VCAN: variants seen among roughly 807,000 people sequenced by gnomAD.
VCAN encodes the protein versican, also known as versican core protein.
In VCAN, 44 loss-of-function variants were observed where a neutral mutation model predicts 245.5. The ratio of observed to expected loss-of-function variants is 0.18; its 90% CI spans 0.14 to 0.23. The LOEUF is 0.23. VCAN is among the 10% of genes least tolerant of loss of function. VCAN has a pLI of 1.00. For missense variants in VCAN, 3,793 were observed against 4,057.9 expected, an observed-to-expected ratio of 0.93 and a Z score of 1.77; for synonymous variants, 1,413 against 1,437.0, an observed-to-expected ratio of 0.98 and a Z score of 0.38.
chr5:83,522,426 T>G (rs769744585), intron 7 of VCAN, 117 bp downstream of exon 7: 5 of 1,097,580 alleles, frequency 4.6e-6, no homozygotes, highest in African/African-American at 1.6e-5. Flanking sequence ...AACTGGAGTG[T>G]GAAAAATAAA....
At chr5:83,534,485 A>G (rs2112434508) in intron 7 of VCAN, among the ~76,000 whole-genome samples, 1 of 152,130 alleles carries the variant, frequency 6.6e-6, no homozygotes, top group African/African-American at 2.4e-5. Context: ...TTTTCTCTGT[A>G]CTTAAATGAA....
chr5:83,483,010 C>T (rs1247627707), intron 1 of VCAN, among the ~76,000 whole-genome samples: 1 of 152,194 alleles, frequency 6.6e-6, no homozygotes, highest in Non-Finnish European at 1.5e-5. Context: ...GTGCATGAAC[C>T]ACCAATTGGT....
intron 12 of VCAN, among the ~76,000 whole-genome samples, chr5:83,558,504 T>A (rs1210242327): frequency 2.0e-5 from 3 of 152,132 alleles, no homozygotes; most frequent in Non-Finnish European, 4.4e-5. Context: ...AAAGAACCTT[T>A]CATATTTACC....
rs141810277 is a variant in VCAN, at chr5:83,540,958, A to G, written c.7955A>G (p.Asp2652Gly). The change falls in exon 8 of 15, where the codon GAT (aspartate) becomes GGT (glycine). Residue 2652 changes from aspartate (D) to glycine (G), a missense_variant. Transcript: ENST00000265077. ...GCTAGCTACACTCAGGCAACACATG[A>G]TGAATCAATGACTTATGAAGATAGA... Reference protein sequence around the residue: ...VLASYTQATHDESMTYEDRSQ... With the variant: ...VLASYTQATHGESMTYEDRSQ... The G allele has an allele frequency of 7.4e-6, 12 of 1,613,992 alleles. No homozygotes were observed. Among genetic ancestry groups the G allele is most frequent in the African/African-American group, 1.3e-5 (1 of 74,922 alleles).
intron 9 of VCAN, 85 bp from the exon 10 acceptor site, chr5:83,547,885 TG>T (rs1250909033): frequency 5.8e-5 from 52 of 893,678 alleles, no homozygotes; most frequent in Non-Finnish European, 8.8e-5. Flanking sequence ...CTGGCTGTCT[TG>T]TATGTTATCT....
rs1746008281 is a variant in VCAN at position 83,519,793 on chromosome 5, G to A, written c.1487G>A (p.Gly496Asp). The A allele has an allele frequency of 1.2e-6, 2 of 1,614,004 alleles. No homozygotes were observed. Among genetic ancestry groups the A allele is most frequent in the African/African-American group, 1.3e-5 (1 of 74,904 alleles). ...ACACAGATTGAACAAATAGAAGTGG[G>A]TCCTTTGGTAACATCTATGGAAATC... ...SVTQIEQIEV[G>D]PLVTSMEILK... is the part of the protein sequence containing the mutation. The change falls in exon 7 of 15, where the codon GGT becomes GAT. Residue 496 changes from glycine to aspartate, a missense_variant. Physicochemically the swap from Gly to Asp is moderately conservative, Grantham distance 94. Coordinates refer to ENST00000265077, the MANE Select transcript of VCAN (RefSeq NM_004385.5).
Position 83,519,844 on chromosome 5 carries a change from T to G in VCAN, c.1538T>G (p.Phe513Cys), listed in dbSNP as rs1392810916. ...TTAAAGCACATTCCTTCCAAGGAAT[T>G]CCCTGTAACTGAAACACCATTGGTA... ...EILKHIPSKE[F>C]PVTETPLVTA... Residue 513 changes from phenylalanine to cysteine, a missense_variant, in exon 7 of 15, where the codon TTC (phenylalanine) becomes TGC (cysteine). By Grantham distance (205) the Phe-to-Cys change is radical. Transcript: ENST00000265077. 6.2e-7 allele frequency: 1 copy of G among 1,614,020 alleles called. No homozygotes were observed. The highest frequency in any genetic ancestry group is 1.7e-5 in the Admixed American group (1 of 60,000).
At chr5:83,554,142 T>A (rs566943639) in intron 11 of VCAN, among the ~76,000 whole-genome samples, 1 of 152,354 alleles carries the variant, frequency 6.6e-6, no homozygotes, top group Admixed American at 6.5e-5. Context: ...CTAGTTTTCA[T>A]GTAGCAATAT....
In VCAN at chr5:83,537,528, G is replaced by A; in HGVS notation, c.4525G>A (p.Glu1509Lys). 5 of 1,613,904 alleles carry A rather than the reference G, an allele frequency of 3.1e-6. No homozygotes were observed. Among genetic ancestry groups the A allele is most frequent in the South Asian group, 1.1e-5 (1 of 91,072 alleles). Residue 1509 changes from glutamate (E) to lysine (K), a missense_variant, in exon 8 of 15, where the codon GAA becomes AAA. Glu to Lys is a moderately conservative substitution (Grantham distance 56, BLOSUM62 1). Transcript: ENST00000265077. ...TTTCCCCACAGTCCCATTCCATGAG[G>A]AATTTGAAAGTGGAACAGCCAAAAA... ...DVFPTVPFHE[E>K]FESGTAKKGA...
At chr5:83,569,356 G>A (rs1251739612) in intron 12 of VCAN, among the ~76,000 whole-genome samples, 1 of 152,112 alleles carries the variant, frequency 6.6e-6, no homozygotes, top group Non-Finnish European at 1.5e-5. Flanking sequence ...TTAGGTATTG[G>A]TGTGGGTTGG....
chr5:83,504,410 A>T (rs1201088812), intron 5 of VCAN, among the ~76,000 whole-genome samples: 2 of 137,422 alleles, frequency 1.5e-5, no homozygotes, highest in African/African-American at 5.5e-5. Flanking sequence ...TTTGAGACGG[A>T]GTCTCTCTGT....
rs1475280610 is a variant in VCAN, at chr5:83,573,611, AC to A, written c.9880+1052del. 8.5e-5 allele frequency among the ~76,000 whole-genome samples: 13 copies of A among 152,358 alleles called. No individual in the cohort carries two copies. The East Asian group carries it at 2.5e-3, about 29-fold the overall frequency. On this transcript the variant is annotated intron_variant, in intron 13 of 14. Transcript: ENST00000265077. ...TGATTTATTAGAGAAACATATAAAAACATGACAGCGTGCTTCATAAGCCACT... is the reference window on the plus strand; with the variant it reads ...TGATTTATTAGAGAAACATATAAAAAATGACAGCGTGCTTCATAAGCCACT...
intron 7 of VCAN, chr5:83,531,202 A>C (rs186997499): frequency 6.6e-6 from 1 of 152,328 alleles, no homozygotes; most frequent in East Asian, 1.9e-4. Context: ...GTATTTCAGT[A>C]TCTATGTCTA....
intron 1 of VCAN, among the ~76,000 whole-genome samples, chr5:83,481,517 A>G (rs975695264): frequency 6.6e-6 from 1 of 152,178 alleles, no homozygotes; most frequent in African/African-American, 2.4e-5. Context: ...GCTGTCTTAT[A>G]AGAAATCCAG....
At chr5:83,508,018 G>A (rs1745532498) in intron 5 of VCAN, among the ~76,000 whole-genome samples, 1 of 152,158 alleles carries the variant, frequency 6.6e-6, no homozygotes, top group Non-Finnish European at 1.5e-5. Context: ...TTTACTTTGT[G>A]CAAAATGAGC....
In VCAN at chr5:83,541,757, A is replaced by C; in HGVS notation, c.8754A>C (p.Thr2918=). 6.2e-7 allele frequency: 1 copy of C among 1,614,114 alleles called. No individual in the cohort carries two copies. Among genetic ancestry groups the C allele is most frequent in the Non-Finnish European group, 8.5e-7 (1 of 1,180,010 alleles). The stretch of plus-strand genomic sequence containing the variant: ...TAGAAGAAATGGAAGCTTCTCCCAC[A>C]GAACTTATTGCTGTGGAAGGAACTG... ...ELLEEMEASP[T]ELIAVEGTEI... The change falls in exon 8 of 15, where the codon ACA becomes ACC. Residue 2918 remains threonine, a synonymous_variant. Coordinates refer to ENST00000265077, the MANE Select transcript of VCAN (RefSeq NM_004385.5).
At chr5:83,522,460 C>G in intron 7 of VCAN, 151 bp downstream of exon 7, 2 of 838,664 alleles carry the variant, frequency 2.4e-6, no homozygotes, top group Non-Finnish European at 3.7e-6. Flanking sequence ...TATATTTGTA[C>G]AAGAATTGGA....
In VCAN at chr5:83,581,949, A is replaced by C. The variant is rs775947486; in HGVS notation, c.*1515A>C. ...GCACATAGAAAAAGAGAAAAAGGGC[A>C]CAAAGGGATTGGCCCAATATTGATT... is the stretch of plus-strand genomic sequence containing the variant. On this transcript the variant is annotated 3_prime_UTR_variant, in exon 15 of 15. Coordinates refer to ENST00000265077, the MANE Select transcript of VCAN (RefSeq NM_004385.5). 3 of 145,632 alleles carry C rather than the reference A, an allele frequency of 2.1e-5. No individual in the cohort carries two copies. The highest frequency in any genetic ancestry group is 4.5e-5 in the Non-Finnish European group (3 of 66,588). 9.0% of individuals were successfully genotyped at this position (145,632 alleles called of 1,614,324 possible).
chr5:83,521,733 G>C lies in VCAN; in HGVS notation c.3427G>C (p.Glu1143Gln), dbSNP rs1168289232. The C allele has an allele frequency of 1.2e-6, 2 of 1,614,136 alleles. No homozygotes were observed. Among genetic ancestry groups the C allele is most frequent in the South Asian group, 2.2e-5 (2 of 91,090 alleles). Residue 1143 changes from glutamate to glutamine, a missense_variant, in exon 7 of 15, where the codon GAA becomes CAA. Transcript: ENST00000265077. ...SPGPEQKYET[E>Q]GSSTTGFTSS... ...AGGGCCTGAACAAAAATATGAAACAGAAGGTAGTAGTACAACAGGATTTAC... is the reference window on the plus strand; with the variant it reads ...AGGGCCTGAACAAAAATATGAAACACAAGGTAGTAGTACAACAGGATTTAC...
Sources: gnomAD v4.1 joint callset for allele counts (sites outside exome capture counted in the v4.1 genomes callset) on GRCh38, gnomAD v4.1.1 for gene constraint, MANE v1.5 for transcripts, NCBI Gene and HGNC (gene_info 2026-07-23, HGNC 2026-07-21) for gene names.